ZBTB20: variants seen among roughly 807,000 people sequenced by gnomAD.
ZBTB20 encodes the protein zinc finger and BTB domain containing 20, also known as zinc finger and BTB domain-containing protein 20.
In ZBTB20, 9 loss-of-function variants were observed where a neutral mutation model predicts 56.9. The ratio of observed to expected loss-of-function variants is 0.16; its 90% CI spans 0.10 to 0.28. The LOEUF (loss-of-function observed/expected upper bound fraction) is 0.28, where lower values mean the gene tolerates loss of function less well. ZBTB20 is among the 10% of genes least tolerant of loss of function. ZBTB20 has a pLI of 1.00. For synonymous variants in ZBTB20, 417 were observed against 420.7 expected (o/e 0.99, Z 0.11); for missense variants, 655 against 1,003.0 (o/e 0.65, Z 4.69).
chr3:115,083,606 T>C (rs1429642694), intron 1 of ZBTB20, among the ~76,000 whole-genome samples: 1 of 152,062 alleles, frequency 6.6e-6, no homozygotes, highest in Non-Finnish European at 1.5e-5. Context: ...AAGAATATAT[T>C]CAGCCATTCA....
At chr3:114,892,690 C>A (rs2076862620) in intron 4 of ZBTB20, among the ~76,000 whole-genome samples, 1 of 152,090 alleles carries the variant, frequency 6.6e-6, no homozygotes, top group Non-Finnish European at 1.5e-5. Flanking sequence ...TCTGAGAGAC[C>A]ACATGCCAGC....
chr3:114,934,516 A>G (rs1216414107), intron 3 of ZBTB20, among the ~76,000 whole-genome samples: 1 of 152,206 alleles, frequency 6.6e-6, no homozygotes, highest in Non-Finnish European at 1.5e-5. Flanking sequence ...GGATTAACAA[A>G]TAGCACCAAA....
At chr3:114,985,463 A>G (rs1244198455) in intron 2 of ZBTB20, among the ~76,000 whole-genome samples, 1 of 152,130 alleles carries the variant, frequency 6.6e-6, no homozygotes, top group Non-Finnish European at 1.5e-5. Context: ...TTCCTACCAC[A>G]TTAGACCTAA....
intron 6 of ZBTB20, among the ~76,000 whole-genome samples, chr3:114,631,782 G>A (rs535912450): frequency 2.6e-4 from 39 of 152,210 alleles, no homozygotes; most frequent in Non-Finnish European, 2.6e-4. Context: ...ATATTAAATA[G>A]AGAAGCATCA....
intron 6 of ZBTB20, among the ~76,000 whole-genome samples, chr3:114,549,456 T>C (rs2050286975): frequency 6.6e-6 from 1 of 152,196 alleles, no homozygotes; most frequent in African/African-American, 2.4e-5. Flanking sequence ...TGCTAATTTT[T>C]TTTCAACATG....
chr3:114,613,748 G>T lies in ZBTB20; in HGVS notation c.-295+79780C>A, dbSNP rs537872786. On this transcript the variant is annotated intron_variant, in intron 6 of 11. Transcript: ENST00000675478. ...AGGACAAGCAAGGATTCCTAGGTCGGGGGAGTGTGTTCACATATGATGGTG... is the reference window on the plus strand; with the variant it reads ...AGGACAAGCAAGGATTCCTAGGTCGTGGGAGTGTGTTCACATATGATGGTG... 7.2e-5 allele frequency among the ~76,000 whole-genome samples: 11 copies of T among 152,178 alleles called. 1 individual carries two copies. Among genetic ancestry groups the T allele is most frequent in the African/African-American group, 2.6e-4 (11 of 41,534 alleles).
intron 4 of ZBTB20, among the ~76,000 whole-genome samples, chr3:114,862,626 T>G (rs2075584013): frequency 6.6e-6 from 1 of 152,154 alleles, no homozygotes; most frequent in African/African-American, 2.4e-5. Context: ...GAACAAGGAC[T>G]TGGTGTCTTA....
chr3:114,719,200 A>G (rs923033431), intron 5 of ZBTB20, among the ~76,000 whole-genome samples: 28 of 150,430 alleles, frequency 1.9e-4, no homozygotes, highest in African/African-American at 6.4e-4. Flanking sequence ...CAGGGGGGGG[A>G]AATAGAAGCA....
intron 5 of ZBTB20, among the ~76,000 whole-genome samples, chr3:114,787,331 TTATATATATA>T (rs138181405): frequency 0.1 from 10,112 of 100,468 alleles, 751 homozygotes; most frequent in Non-Finnish European, 0.12. Context: ...TCTTAAAAGG[TTATATATATA>T]TATATATATA....
At chr3:115,119,443 T>C (rs2084117597) in intron 1 of ZBTB20, among the ~76,000 whole-genome samples, 1 of 152,178 alleles carries the variant, frequency 6.6e-6, no homozygotes. Context: ...CATTTTACCA[T>C]ATTCAGACAC....
chr3:114,347,849 TA>T (rs1346159879), intron 11 of ZBTB20, among the ~76,000 whole-genome samples: 9 of 152,246 alleles, frequency 5.9e-5, no homozygotes, highest in African/African-American at 2.2e-4. Context: ...TACACACCAT[TA>T]CAATAACATT....
intron 6 of ZBTB20, among the ~76,000 whole-genome samples, chr3:114,505,191 T>C (rs952783189): frequency 3.3e-5 from 5 of 152,188 alleles, no homozygotes; most frequent in African/African-American, 4.8e-5. Flanking sequence ...CAGACTCTCA[T>C]TCCTCTTGAC....
intron 6 of ZBTB20, among the ~76,000 whole-genome samples, chr3:114,675,951 G>A (rs1037831959): frequency 8.3e-4 from 31 of 37,464 alleles, no homozygotes; most frequent in South Asian, 2.6e-3. Context: ...GTATTAACTC[G>A]CTAAATCTTC....
intron 3 of ZBTB20, among the ~76,000 whole-genome samples, chr3:114,963,110 A>C (rs971809181): frequency 7.2e-5 from 11 of 151,792 alleles, no homozygotes; most frequent in Admixed American, 5.9e-4. Flanking sequence ...TCAGTCTCTC[A>C]ATCCCTCCTA....
At chr3:114,815,431 A>G (rs1374156837) in intron 4 of ZBTB20, among the ~76,000 whole-genome samples, 1 of 152,232 alleles carries the variant, frequency 6.6e-6, no homozygotes, top group African/African-American at 2.4e-5. Flanking sequence ...CTGGACCTTC[A>G]GGATTTCATT....
At chr3:115,113,809 A>C (rs1045317503) in intron 1 of ZBTB20, among the ~76,000 whole-genome samples, 1 of 152,200 alleles carries the variant, frequency 6.6e-6, no homozygotes, top group Non-Finnish European at 1.5e-5. Flanking sequence ...GGCTCTGGAT[A>C]ACAAAACTTT....
intron 3 of ZBTB20, among the ~76,000 whole-genome samples, chr3:114,936,738 T>G (rs2076547568): frequency 6.6e-6 from 1 of 152,300 alleles, no homozygotes; most frequent in East Asian, 1.9e-4. Context: ...AAATTCAGTG[T>G]TGGAAGAGGC....
intron 6 of ZBTB20, among the ~76,000 whole-genome samples, chr3:114,673,314 G>T (rs1406880171): frequency 6.6e-6 from 1 of 152,062 alleles, no homozygotes; most frequent in South Asian, 2.1e-4. Context: ...TCATTTATGT[G>T]ACTGTACCTA....
chr3:114,860,244 T>TTGCAGTGAGCCGAGATCGTGC (rs2075459729), intron 4 of ZBTB20, among the ~76,000 whole-genome samples: 1 of 151,522 alleles, frequency 6.6e-6, no homozygotes, highest in Admixed American at 6.6e-5. Flanking sequence ...GAGGTGGAGG[T>TTGCAGTGAGCCGAGATCGTGC]TGCAGTGAGC....
Sources: allele counts gnomAD v4.1 joint callset (sites outside exome capture counted in the v4.1 genomes callset), GRCh38; gene constraint gnomAD v4.1.1; transcripts MANE v1.5; gene names NCBI Gene and HGNC (gene_info 2026-07-23, HGNC 2026-07-21).